The following HMCN1 variants were observed in gnomAD, a reference collection of about 807,000 sequenced individuals.
HMCN1 encodes the protein hemicentin 1.
In HMCN1, 321 loss-of-function variants were observed where a neutral mutation model predicts 625.9. The ratio of observed to expected loss-of-function variants is 0.51; its 90% CI spans 0.47 to 0.56. HMCN1 has a LOEUF of 0.56. Ranked by LOEUF, HMCN1 falls within the 20% of genes least tolerant of loss-of-function variation. The pLI, the probability that HMCN1 is intolerant of heterozygous loss-of-function variation, is 0.00. For synonymous variants in HMCN1, 2,425 were observed against 2,417.6 expected (o/e 1.00, Z -0.09); for missense variants, 6,588 against 6,887.3 (o/e 0.96, Z 1.54).
At chr1:185,831,709 A>C (rs969401168) in intron 1 of HMCN1, among the ~76,000 whole-genome samples, 3 of 152,170 alleles carry the variant, frequency 2.0e-5, no homozygotes, top group Admixed American at 6.5e-5. Flanking sequence ...CAAAAATACA[A>C]CCATTCAGAA....
rs1571493755 is a variant in HMCN1, at chr1:186,190,643, C to G, written c.*765C>G. The G allele has an allele frequency of 5.2e-6, 1 of 191,884 alleles. No individual in the cohort carries two copies. Among genetic ancestry groups the G allele is most frequent in the East Asian group, 8.3e-5 (1 of 12,086 alleles). The allele number at this position is 191,884 out of a possible 1,614,324, so 11.9% of individuals were successfully genotyped here. ...CAGTTAGCTTCATAACTTTTACGTTCCAGAATTTTGTTTATTTTCCTGTCA... is the reference window on the plus strand; with the variant it reads ...CAGTTAGCTTCATAACTTTTACGTTGCAGAATTTTGTTTATTTTCCTGTCA... On this transcript the variant is annotated 3_prime_UTR_variant, in exon 107 of 107. Transcript: ENST00000271588.
Position 186,128,098 on chromosome 1 carries a change from T to C in HMCN1, c.12711T>C (p.Tyr4237=). ...ENVVLEDSGF[Y]TCVANNAAGE... ...TTTAGCTGGAGGATTCTGGCTTCTATACCTGTGTTGCTAACAATGCTGCAG... is the reference window on the plus strand; with the variant it reads ...TTTAGCTGGAGGATTCTGGCTTCTACACCTGTGTTGCTAACAATGCTGCAG... Residue 4237 remains tyrosine (Y), a synonymous_variant, in exon 83 of 107, where the codon TAT becomes TAC. Coordinates refer to ENST00000271588, the MANE Select transcript of HMCN1 (RefSeq NM_031935.3). 6.2e-7 allele frequency: 1 copy of C among 1,613,534 alleles called. No homozygotes were observed. The highest frequency in any genetic ancestry group is 8.5e-7 in the Non-Finnish European group (1 of 1,179,626).
In HMCN1 at chr1:186,106,906, C is replaced by T. The variant is rs755585725; in HGVS notation, c.10793C>T (p.Thr3598Ile). 3.7e-6 allele frequency: 6 copies of T among 1,611,340 alleles called. No individual in the cohort carries two copies. The highest frequency in any genetic ancestry group is 3.3e-5 in the South Asian group (3 of 91,042). The change falls in exon 70 of 107, where the codon ACA (threonine) becomes ATA (isoleucine). Residue 3598 changes from threonine (T) to isoleucine (I), a missense_variant. Thr to Ile is a moderately conservative substitution (Grantham distance 89). This residue lies in a region of HMCN1 where 4,628 missense variants were observed against 4,853.1 expected (regional missense o/e 0.95). Transcript: ENST00000271588. ...TAGGTGGAGGATACAGGAAGATATA[C>T]ATGTCTGGCATCCAGTCCTGCAGGA... ...TAQVEDTGRY[T>I]CLASSPAGDD...
At chr1:186,100,295 ATTAAT>A (rs956003716) in intron 68 of HMCN1, among the ~76,000 whole-genome samples, 1 of 152,144 alleles carries the variant, frequency 6.6e-6, no homozygotes, top group Non-Finnish European at 1.5e-5. Context: ...TATGTTGAAA[ATTAAT>A]TCCATTAAAC....
intron 100 of HMCN1, among the ~76,000 whole-genome samples, chr1:186,170,402 A>T (rs1652150337): frequency 6.6e-6 from 1 of 152,176 alleles, no homozygotes; most frequent in Non-Finnish European, 1.5e-5. Context: ...TTGCTCAAGG[A>T]TCTAGAACCA....
chr1:186,053,802 C>G (rs768655021), intron 43 of HMCN1, 23 bp from the exon 44 acceptor site: 1 of 1,611,464 alleles, frequency 6.2e-7, no homozygotes, highest in South Asian at 1.1e-5. Flanking sequence ...GCCTCATATT[C>G]TGCCATTTGG....
At position 185,984,288 on chromosome 1, in the gene HMCN1, CAA is replaced by C; in HGVS notation, c.2913_2914del (p.Lys971AsnfsTer23). On this transcript the variant is annotated frameshift_variant, in exon 19 of 107. Coordinates refer to ENST00000271588, the MANE Select transcript of HMCN1 (RefSeq NM_031935.3). LOFTEE classifies it high-confidence loss of function. The stretch of plus-strand genomic sequence containing the variant: ...CCAGTAACGTTGCTGGGACCAATAA[CAA>C]AACTACCTCTGTGGTTGTGCATGGT... Reference protein sequence around the residue: ...VASNVAGTNNKTTSVVVHVLP... With the variant: ...VASNVAGTNNXTTSVVVHVLP... The C allele has an allele frequency of 6.2e-7, 1 of 1,613,972 alleles. No individual in the cohort carries two copies. The highest frequency in any genetic ancestry group is 8.5e-7 in the Non-Finnish European group (1 of 1,179,940).
At chr1:185,843,563 C>G (rs966409776) in intron 1 of HMCN1, among the ~76,000 whole-genome samples, 4 of 152,094 alleles carry the variant, frequency 2.6e-5, no homozygotes, top group Admixed American at 2.6e-4. Flanking sequence ...TTGCTAATGA[C>G]ACAGCTGGCA....
intron 16 of HMCN1, among the ~76,000 whole-genome samples, chr1:185,979,787 C>A (rs1651487403): frequency 6.6e-6 from 1 of 152,166 alleles, no homozygotes; most frequent in East Asian, 1.9e-4. Context: ...TAGTATGGGA[C>A]TATGGATGCT....
At chr1:185,975,385 C>T (rs1651128414) in intron 15 of HMCN1, among the ~76,000 whole-genome samples, 1 of 152,056 alleles carries the variant, frequency 6.6e-6, no homozygotes, top group Non-Finnish European at 1.5e-5. Context: ...GGGAAGCAGG[C>T]ACATCTTACA....
intron 82 of HMCN1, 61 bp from the exon 83 acceptor site, chr1:186,128,017 G>A (rs1661732725): frequency 2.2e-6 from 3 of 1,385,608 alleles, no homozygotes; most frequent in Non-Finnish European, 2.0e-6. Context: ...GCAATTTGAT[G>A]TATTTTATGT....
At chr1:186,052,794 A>G (rs1657048175) in intron 42 of HMCN1, among the ~76,000 whole-genome samples, 158 bp from the exon 43 acceptor site, 1 of 152,088 alleles carries the variant, frequency 6.6e-6, no homozygotes, top group Admixed American at 6.6e-5. Context: ...TATTTATGCT[A>G]CATCTTACAG....
intron 47 of HMCN1, 138 bp from the exon 48 acceptor site, chr1:186,062,376 T>A (rs1657761975): frequency 1.5e-6 from 1 of 682,458 alleles, no homozygotes; most frequent in Non-Finnish European, 2.7e-6. Context: ...TATTATGACA[T>A]TCTAGCAATC....
At chr1:185,758,085 G>A (rs1655249080) in intron 1 of HMCN1, among the ~76,000 whole-genome samples, 1 of 152,124 alleles carries the variant, frequency 6.6e-6, no homozygotes, top group Non-Finnish European at 1.5e-5. Flanking sequence ...TGACTTACCA[G>A]CACTTCTCAA....
At chr1:186,086,756 A>T (rs1466008509) in intron 58 of HMCN1, among the ~76,000 whole-genome samples, 1 of 151,756 alleles carries the variant, frequency 6.6e-6, no homozygotes, top group South Asian at 2.1e-4. Context: ...TAGATGATAG[A>T]CATAGATAGA....
intron 42 of HMCN1, among the ~76,000 whole-genome samples, chr1:186,049,271 G>A (rs1656788312): frequency 2.6e-5 from 4 of 152,072 alleles, no homozygotes; most frequent in Admixed American, 2.6e-4. Flanking sequence ...TAATCAGGGA[G>A]AAAAGCTATT....
intron 97 of HMCN1, among the ~76,000 whole-genome samples, chr1:186,160,993 G>C (rs962844480): frequency 3.9e-5 from 6 of 152,124 alleles, no homozygotes; most frequent in Non-Finnish European, 5.9e-5. Flanking sequence ...TTTCTGTCTC[G>C]TTGATCTGTC....
At position 186,151,180 on chromosome 1, in the gene HMCN1, GTT is replaced by G; in HGVS notation, c.14609-12_14609-11del. ...TGAAATTGCATCCTTATCCAGGAATGTTTTTTTTTCCCCCAATAGGTGGGCCC... is the reference window on the plus strand; with the variant it reads ...TGAAATTGCATCCTTATCCAGGAATGTTTTTTTCCCCCAATAGGTGGGCCC... On this transcript the variant is annotated intron_variant, in intron 93 of 106. Transcript: ENST00000271588. The G allele has an allele frequency of 6.3e-7, 1 of 1,592,394 alleles. No individual in the cohort carries two copies.
chr1:185,965,732 T>C, intron 13 of HMCN1, 70 bp from the exon 14 acceptor site: 1 of 894,250 alleles, frequency 1.1e-6, no homozygotes, highest in Non-Finnish European at 1.9e-6. Context: ...TTGGTTCATT[T>C]AGTAAACATA....
Sources: gnomAD v4.1 joint callset for allele counts (sites outside exome capture counted in the v4.1 genomes callset) on GRCh38, gnomAD v4.1.1 for gene constraint, gnomAD v4.1.1 regional missense constraint, MANE v1.5 for transcripts, NCBI Gene and HGNC (gene_info 2026-07-23, HGNC 2026-07-21) for gene names.